WDR41: variants seen among roughly 807,000 people sequenced by gnomAD.
WDR41 encodes WD repeat domain 41.
In WDR41, 63 loss-of-function variants were observed where a neutral mutation model predicts 69.3. The observed-to-expected ratio is 0.91, with a 90% CI of 0.74 to 1.12. WDR41 has a LOEUF of 1.12. WDR41 is among the 50% of genes most tolerant of loss of function. The pLI is 0.00. For missense variants in WDR41, 543 were observed against 534.5 expected, an observed-to-expected ratio of 1.02 and a Z score of -0.16; for synonymous variants, 185 against 192.1, an observed-to-expected ratio of 0.96 and a Z score of 0.31.
chr5:77,490,348 T>C (rs1389072065), intron 1 of WDR41, among the ~76,000 whole-genome samples: 23 of 152,072 alleles, frequency 1.5e-4, no homozygotes, highest in Non-Finnish European at 7.4e-5. Context: ...TAGATGCCAA[T>C]AGAACTGCCC....
At chr5:77,437,692 T>C (rs1271460024) in intron 10 of WDR41, among the ~76,000 whole-genome samples, 7 of 152,210 alleles carry the variant, frequency 4.6e-5, no homozygotes, top group Non-Finnish European at 5.9e-5. Context: ...GTGTGAATTA[T>C]ACTTCACAAT....
At chr5:77,588,912 G>T (rs530831135) in intron 1 of WDR41, among the ~76,000 whole-genome samples, 1 of 152,244 alleles carries the variant, frequency 6.6e-6, no homozygotes, top group African/African-American at 2.4e-5. Flanking sequence ...GCACATCACT[G>T]CCTTCTTGCA....
intron 1 of WDR41, among the ~76,000 whole-genome samples, chr5:77,592,014 A>G (rs1025548578): frequency 6.6e-6 from 1 of 152,032 alleles, no homozygotes; most frequent in Non-Finnish European, 1.5e-5. Flanking sequence ...TTATATTTTT[A>G]TATGTTTTAT....
intron 1 of WDR41, among the ~76,000 whole-genome samples, chr5:77,590,365 A>C (rs1201087814): frequency 1.3e-5 from 2 of 152,184 alleles, no homozygotes; most frequent in Non-Finnish European, 2.9e-5. Context: ...CAGGATGTAG[A>C]GGAAACACAT....
At chr5:77,540,595 C>T (rs1242451282) in intron 1 of WDR41, 1 of 152,124 alleles carries the variant, frequency 6.6e-6, no homozygotes, top group Admixed American at 6.6e-5. Flanking sequence ...GTCCCAGGCT[C>T]GTAGGGAGGA....
chr5:77,496,210 A>T (rs1418836417), upstream of WDR41, among the ~76,000 whole-genome samples: 1 of 152,118 alleles, frequency 6.6e-6, no homozygotes, highest in African/African-American at 2.4e-5. Flanking sequence ...GAGAAACAAA[A>T]GAAAGATGTC....
chr5:77,453,951 A>T, intron 5 of WDR41, 23 bp from the exon 6 acceptor site: 2 of 1,566,788 alleles, frequency 1.3e-6, no homozygotes, highest in East Asian at 2.2e-5. Flanking sequence ...TTTGAAATGT[A>T]TATCAGGTTA....
intron 1 of WDR41, among the ~76,000 whole-genome samples, chr5:77,542,545 G>A (rs535671109): frequency 6.6e-6 from 1 of 152,226 alleles, no homozygotes; most frequent in East Asian, 1.9e-4. Context: ...AAATGAAAAG[G>A]TTTTGTGGAG....
chr5:77,464,786 CCAT>C lies in WDR41; in HGVS notation c.188_190del (p.Asp63del). On this transcript the variant is annotated inframe_deletion, in exon 3 of 13. Coordinates refer to ENST00000296679, the MANE Select transcript of WDR41 (RefSeq NM_018268.4). ...CTGGGCATTCCACACAACTACAATT[CCAT>C]CATCACCAGCAGATGCAAATCTGGT... is the stretch of plus-strand genomic sequence containing the variant. The C allele has an allele frequency of 6.2e-7, 1 of 1,613,728 alleles. No homozygotes were observed. Among genetic ancestry groups the C allele is most frequent in the Non-Finnish European group, 8.5e-7 (1 of 1,179,886 alleles).
chr5:77,570,414 A>T (rs1465627728), intron 1 of WDR41, among the ~76,000 whole-genome samples: 1 of 151,008 alleles, frequency 6.6e-6, no homozygotes, highest in Non-Finnish European at 1.5e-5. Context: ...ACAGTTGCTT[A>T]CAAATGAAAC....
At chr5:77,522,139 A>G (rs1408835996) in intron 1 of WDR41, among the ~76,000 whole-genome samples, 1 of 152,218 alleles carries the variant, frequency 6.6e-6, no homozygotes, top group Non-Finnish European at 1.5e-5. Flanking sequence ...TTTCAAGTTC[A>G]CACCTGTTTG....
intron 1 of WDR41, among the ~76,000 whole-genome samples, chr5:77,574,550 T>G (rs6453327): frequency 0.1 from 15,637 of 152,126 alleles, 1,664 homozygotes; most frequent in East Asian, 0.26. Context: ...GGATCATTAC[T>G]CAATGTTATT....
At chr5:77,441,034 T>A in intron 8 of WDR41, 37 bp from the exon 9 acceptor site, 1 of 1,603,152 alleles carries the variant, frequency 6.2e-7, no homozygotes, top group South Asian at 1.1e-5. Context: ...TATCGATCAT[T>A]TTATCTATGT....
intron 1 of WDR41, among the ~76,000 whole-genome samples, chr5:77,559,626 A>C (rs912878629): frequency 2.6e-5 from 4 of 151,166 alleles, no homozygotes; most frequent in Admixed American, 2.0e-4. Flanking sequence ...ATATGTCAGC[A>C]TTATATATAA....
chr5:77,597,534 C>T (rs567761956), intron 1 of WDR41, among the ~76,000 whole-genome samples: 1 of 152,204 alleles, frequency 6.6e-6, no homozygotes, highest in South Asian at 2.1e-4. Flanking sequence ...CAGCAAATAC[C>T]TATGAGGGCT....
upstream of WDR41, among the ~76,000 whole-genome samples, chr5:77,496,727 T>A (rs1287177206): frequency 4.6e-5 from 7 of 152,090 alleles, no homozygotes; most frequent in Non-Finnish European, 1.0e-4. Context: ...TATCAAAATT[T>A]CAATAATCTT....
chr5:77,530,546 G>A (rs948921082), intron 1 of WDR41, among the ~76,000 whole-genome samples: 4 of 151,594 alleles, frequency 2.6e-5, no homozygotes, highest in Non-Finnish European at 5.9e-5. Flanking sequence ...TTTATATGAA[G>A]TTCTAGAATA....
chr5:77,485,749 A>C (rs936173059), intron 2 of WDR41, among the ~76,000 whole-genome samples: 6 of 152,188 alleles, frequency 3.9e-5, no homozygotes, highest in Admixed American at 3.3e-4. Flanking sequence ...AAAAATACTA[A>C]AGAAGAAAAG....
At chr5:77,468,488 A>G (rs1429237747) in intron 2 of WDR41, among the ~76,000 whole-genome samples, 2 of 152,220 alleles carry the variant, frequency 1.3e-5, no homozygotes, top group African/African-American at 4.8e-5. Context: ...AAACTACAGC[A>G]AAGCTTAATA....
Sources: allele counts gnomAD v4.1 joint callset (sites outside exome capture counted in the v4.1 genomes callset), GRCh38; gene constraint gnomAD v4.1.1; transcripts MANE v1.5; gene names NCBI Gene and HGNC (gene_info 2026-07-23, HGNC 2026-07-21).